NEU3: variants seen among roughly 807,000 people sequenced by gnomAD.
NEU3 encodes sialidase-3.
NEU3 carries 10 observed loss-of-function variants against 11.4 expected under a neutral mutation model. That is an observed-to-expected ratio of 0.88 (90% CI 0.54 to 1.49). The LOEUF is 1.49. NEU3 is among the 40% of genes most tolerant of loss of function. The probability of loss-of-function intolerance (pLI) is 0.00; values close to 1 mark genes in which losing one functional copy is unlikely to be tolerated. For synonymous variants in NEU3, 212 were observed against 228.2 expected, an observed-to-expected ratio of 0.93 and a Z score of 0.64; for missense variants, 529 against 581.8, an observed-to-expected ratio of 0.91 and a Z score of 0.93.
Position 75,006,485 on chromosome 11 carries a change from G to A in NEU3, c.1379G>A (p.Ser460Asn). Residue 460 changes from serine (S) to asparagine (N), a missense_variant, in exon 3 of 3, where the codon AGC becomes AAC. By Grantham distance (46) the Ser-to-Asn change is conservative (BLOSUM62 1). Transcript: ENST00000294064. ...GGTAGGAACCCAAGCCAATTCAAAA[G>A]CAATTAATTGGCTTAGGACCCAATT... The part of the protein sequence containing the change: ...SPGRNPSQFK[S>N]N 1 of 1,607,472 alleles carries A rather than the reference G, an allele frequency of 6.2e-7. No individual in the cohort carries two copies. Among genetic ancestry groups the A allele is most frequent in the Non-Finnish European group, 8.5e-7 (1 of 1,176,156 alleles).
chr11:74,994,420 C>A, intron 1 of NEU3, 89 bp from the exon 2 acceptor site: 1 of 987,570 alleles, frequency 1.0e-6, no homozygotes, highest in Non-Finnish European at 1.5e-6. Flanking sequence ...CCCACCTTTG[C>A]TCTCCAGAAG....
At chr11:75,002,227 A>G (rs982310475) in intron 2 of NEU3, among the ~76,000 whole-genome samples, 1 of 152,154 alleles carries the variant, frequency 6.6e-6, no homozygotes, top group Non-Finnish European at 1.5e-5. Flanking sequence ...GTAAAAAAAA[A>G]TGTTTTGTAG....
downstream of NEU3, among the ~76,000 whole-genome samples, chr11:75,012,261 C>T (rs1948960760): frequency 6.6e-6 from 1 of 152,204 alleles, no homozygotes; most frequent in South Asian, 2.1e-4. Context: ...TCAGGAACCT[C>T]ATGATGTCAT....
At chr11:75,018,261 C>T (rs1948989294) in intron 3 of NEU3, among the ~76,000 whole-genome samples, 1 of 152,066 alleles carries the variant, frequency 6.6e-6, no homozygotes, top group Non-Finnish European at 1.5e-5. Context: ...CCCTCCCTGC[C>T]TTCTTCCCAC....
At position 75,006,534 on chromosome 11, in the gene NEU3, C is replaced by T. The variant is rs376950327; in HGVS notation, c.*42C>T. ...TTTCCATAGATGCAAATGGCAGTTA[C>T]AGACAGGTTAACAGAAGCTACTGAA... On this transcript the variant is annotated 3_prime_UTR_variant, in exon 3 of 3. Coordinates refer to ENST00000294064, the MANE Select transcript of NEU3 (RefSeq NM_006656.6). 41 of 1,562,074 alleles carry T rather than the reference C, an allele frequency of 2.6e-5. No individual in the cohort carries two copies. Among genetic ancestry groups the T allele is most frequent in the Non-Finnish European group, 3.5e-5 (40 of 1,155,426 alleles).
chr11:74,995,815 T>C (rs1226414751), intron 2 of NEU3, among the ~76,000 whole-genome samples: 1 of 151,604 alleles, frequency 6.6e-6, no homozygotes, highest in East Asian at 1.9e-4. Flanking sequence ...ATTATTATTA[T>C]TATTTTTCTA....
upstream of NEU3, among the ~76,000 whole-genome samples, chr11:74,987,832 A>G (rs1222058166): frequency 6.6e-6 from 1 of 151,612 alleles, no homozygotes; most frequent in African/African-American, 2.4e-5. Flanking sequence ...AAATAAAAAT[A>G]AAAAAGACCC....
intron 2 of NEU3, 37 bp from the exon 3 acceptor site, chr11:75,005,376 G>C (rs1177661902): frequency 6.6e-7 from 1 of 1,510,934 alleles, no homozygotes; most frequent in Non-Finnish European, 8.9e-7. Flanking sequence ...TTTCCTATTA[G>C]TATCTCACTC....
chr11:74,989,164 G>A lies in NEU3; in HGVS notation c.94+10G>A, dbSNP rs186865783. 2 of 1,549,544 alleles carry A rather than the reference G, an allele frequency of 1.3e-6. No individual in the cohort carries two copies. The highest frequency in any genetic ancestry group is 1.2e-5 in the South Asian group (1 of 84,004). ...CCGGGGTCCAGTGCAGGTGAGCGGGGTTGGGAGACAGGAGAGCTCCCCGAG... is the reference window on the plus strand; with the variant it reads ...CCGGGGTCCAGTGCAGGTGAGCGGGATTGGGAGACAGGAGAGCTCCCCGAG... On this transcript the variant is annotated intron_variant, in intron 1 of 2. Coordinates refer to ENST00000294064, the MANE Select transcript of NEU3 (RefSeq NM_006656.6).
downstream of NEU3, among the ~76,000 whole-genome samples, chr11:75,013,135 C>T (rs1948965744): frequency 6.6e-6 from 1 of 152,180 alleles, no homozygotes; most frequent in Admixed American, 6.5e-5. Flanking sequence ...AGTTCAAGGT[C>T]CTTGTCCTAG....
the NEU3 span, among the ~76,000 whole-genome samples, chr11:74,980,915 A>G: frequency 2.0e-5 from 3 of 152,254 alleles, no homozygotes; most frequent in Non-Finnish European, 2.9e-5. Context: ...TTCAGACAAC[A>G]GTCACAGAGA....
rs189950020 is a variant in NEU3, at chr11:74,994,654, G to A, written c.240G>A (p.Thr80=). Residue 80 remains threonine (T), a synonymous_variant, in exon 2 of 3, where the codon ACG becomes ACA. Coordinates refer to ENST00000294064, the MANE Select transcript of NEU3 (RefSeq NM_006656.6). ...TGGCCTTTGCAGAGAAGCGTTCTAC[G>A]AGGAGAGATGAGGATGCTCTCCACC... The part of the protein sequence containing the change: ...TFLAFAEKRS[T]RRDEDALHLV... 2.0e-5 allele frequency: 33 copies of A among 1,613,936 alleles called. No individual in the cohort carries two copies. The highest frequency in any genetic ancestry group is 2.0e-4 in the African/African-American group (15 of 75,012).
Position 75,008,698 on chromosome 11 carries a change from G to C in NEU3, c.*2206G>C, listed in dbSNP as rs370155301. The C allele has an allele frequency of 4.6e-5, 7 of 152,100 alleles. No individual in the cohort carries two copies. Among genetic ancestry groups the C allele is most frequent in the African/African-American group, 1.7e-4 (7 of 41,356 alleles). The allele number at this position is 152,100 out of a possible 1,614,324, so 9.4% of individuals were successfully genotyped here. Reference sequence around the variant, plus strand: ...GCCTCCCAAGTAGCTGGGATTACAGGTGCCTGCCACTACGCCCAGCTAATT... The same window carrying C: ...GCCTCCCAAGTAGCTGGGATTACAGCTGCCTGCCACTACGCCCAGCTAATT... On this transcript the variant is annotated 3_prime_UTR_variant, in exon 3 of 3. Transcript: ENST00000294064.
At chr11:74,985,952 C>T (rs140207212), upstream of NEU3, among the ~76,000 whole-genome samples, 1 of 152,244 alleles carries the variant, frequency 6.6e-6, no homozygotes, top group Non-Finnish European at 1.5e-5. Context: ...AGTCAACTAC[C>T]CTTTTCAGTT....
chr11:75,018,313 A>T (rs1253082482), intron 3 of NEU3, among the ~76,000 whole-genome samples: 1 of 152,038 alleles, frequency 6.6e-6, no homozygotes, highest in African/African-American at 2.4e-5. Flanking sequence ...GGATTGAGAG[A>T]TGCAAAGTAT....
At chr11:74,994,485 T>A in intron 1 of NEU3, 24 bp from the exon 2 acceptor site, 1 of 1,573,050 alleles carries the variant, frequency 6.4e-7, no homozygotes, top group South Asian at 1.2e-5. Flanking sequence ...TGGACACACA[T>A]TAAGCTTCCT....
chr11:74,998,715 A>G (rs1948816094), intron 2 of NEU3, among the ~76,000 whole-genome samples: 1 of 152,184 alleles, frequency 6.6e-6, no homozygotes, highest in African/African-American at 2.4e-5. Flanking sequence ...TTTGCTTTTG[A>G]TAACATTGGC....
chr11:75,015,195 A>C (rs1399759294), downstream of NEU3, among the ~76,000 whole-genome samples: 1 of 152,168 alleles, frequency 6.6e-6, no homozygotes, highest in Non-Finnish European at 1.5e-5. Flanking sequence ...TGGTGACCTT[A>C]TAAAAGACCC....
At chr11:74,986,411 T>C (rs1435591618), upstream of NEU3, among the ~76,000 whole-genome samples, 1 of 152,230 alleles carries the variant, frequency 6.6e-6, no homozygotes, top group Non-Finnish European at 1.5e-5. Flanking sequence ...CTTCTATTAA[T>C]GAAGGAAATA....
Sources: gnomAD v4.1 joint callset for allele counts (sites outside exome capture counted in the v4.1 genomes callset) on GRCh38, gnomAD v4.1.1 for gene constraint, MANE v1.5 for transcripts, NCBI Gene and HGNC (gene_info 2026-07-23, HGNC 2026-07-21) for gene names.